ZNF595: variants seen among roughly 807,000 people sequenced by gnomAD.
ZNF595 encodes the protein zinc finger protein 595.
In ZNF595, 9 loss-of-function variants were observed where a neutral mutation model predicts 19.4. The observed-to-expected ratio is 0.46, with a 90% CI of 0.28 to 0.81. The LOEUF is 0.81. ZNF595 is among the 30% of genes least tolerant of loss of function. ZNF595 has a pLI of 0.11. For missense variants in ZNF595, 729 were observed against 736.0 expected, an observed-to-expected ratio of 0.99 and a Z score of 0.11; for synonymous variants, 255 against 255.9, an observed-to-expected ratio of 1.00 and a Z score of 0.03.
At chr4:73,352 G>A (rs1336236715) in intron 3 of ZNF595, among the ~76,000 whole-genome samples, 2 of 152,158 alleles carry the variant, frequency 1.3e-5, no homozygotes, top group Non-Finnish European at 2.9e-5. Flanking sequence ...GACATGAAGA[G>A]GGGTTGTATG....
chr4:58,980 C>CT (rs1212706124), intron 1 of ZNF595, among the ~76,000 whole-genome samples: 1 of 64,696 alleles, frequency 1.5e-5, no homozygotes, highest in East Asian at 3.1e-4. Context: ...CACATTGAAG[C>CT]TTGAGAGGCA....
chr4:77,539 T>A (rs539644758), intron 3 of ZNF595, among the ~76,000 whole-genome samples: 1 of 152,296 alleles, frequency 6.6e-6, no homozygotes, highest in South Asian at 2.1e-4. Context: ...CTTTCAGTCA[T>A]TACAGACTAG....
In ZNF595 at chr4:86,234, A is replaced by C; in HGVS notation, c.730A>C (p.Asn244His). 6.2e-7 allele frequency: 1 copy of C among 1,611,986 alleles called. No individual in the cohort carries two copies. Among genetic ancestry groups the C allele is most frequent in the East Asian group, 2.2e-5 (1 of 44,848 alleles). The part of the protein sequence containing the change: ...GKAFRRSTVL[N>H]EHKKIHTGEK... ...AGCCTTTAGACGGTCCACAGTTCTG[A>C]ACGAACATAAGAAAATTCATACTGG... The change falls in exon 4 of 4, where the codon AAC (asparagine) becomes CAC (histidine). Residue 244 changes from asparagine (N) to histidine (H), a missense_variant. This residue lies in a region of ZNF595 where 729 missense variants were observed against 675.3 expected (regional missense o/e 1.08). Coordinates refer to ENST00000610261, the MANE Select transcript of ZNF595 (RefSeq NM_182524.4).
rs781809328 is a variant in ZNF595, at chr4:87,144, G to A, written c.1640G>A (p.Arg547Gln). The A allele has an allele frequency of 6.8e-6, 11 of 1,613,684 alleles. No homozygotes were observed. The highest frequency in any genetic ancestry group is 1.3e-5 in the African/African-American group (1 of 74,800). Reference sequence around the variant, plus strand: ...GAAGAATGTGGCAAAGCCTTTACTCGGTCCACAGCCCTGAATGAACATAAG... The same window carrying A: ...GAAGAATGTGGCAAAGCCTTTACTCAGTCCACAGCCCTGAATGAACATAAG... The part of the protein sequence containing the change: ...KCEECGKAFT[R>Q]STALNEHKKI... Residue 547 changes from arginine to glutamine, a missense_variant, in exon 4 of 4, where the codon CGG becomes CAG. Physicochemically the swap from Arg to Gln is conservative, Grantham distance 43. This residue lies in a region of ZNF595 where 729 missense variants were observed against 675.3 expected (regional missense o/e 1.08). Transcript: ENST00000610261.
chr4:76,310 G>A (rs566462375), intron 3 of ZNF595, among the ~76,000 whole-genome samples: 3 of 152,192 alleles, frequency 2.0e-5, no homozygotes, highest in East Asian at 3.9e-4. Context: ...TCAAGCAAAA[G>A]TTAACTTATG....
intron 3 of ZNF595, among the ~76,000 whole-genome samples, chr4:61,585 T>TCC (rs1399907742): frequency 1.3e-5 from 2 of 151,894 alleles, no homozygotes; most frequent in African/African-American, 4.9e-5. Flanking sequence ...TGGGATTCTG[T>TCC]CATTGAGCTA....
At position 87,195 on chromosome 4, in the gene ZNF595, A is replaced by G. The variant is rs782270196; in HGVS notation, c.1691A>G (p.Tyr564Cys). 14 of 1,596,692 alleles carry G rather than the reference A, an allele frequency of 8.8e-6. No homozygotes were observed. Among genetic ancestry groups the G allele is most frequent in the African/African-American group, 2.7e-5 (2 of 74,744 alleles). Residue 564 changes from tyrosine to cysteine, a missense_variant, in exon 4 of 4, where the codon TAC becomes TGC. This residue lies in a region of ZNF595 where 729 missense variants were observed against 675.3 expected (regional missense o/e 1.08). Coordinates refer to ENST00000610261, the MANE Select transcript of ZNF595 (RefSeq NM_182524.4). ...AAAATTCATTCTGGAGAGAAACCCT[A>G]CAAATGCAAAGAATGTGGCAAAGCC... Reference protein sequence around the residue: ...HKKIHSGEKPYKCKECGKAYN... With the variant: ...HKKIHSGEKPCKCKECGKAYN...
Position 87,518 on chromosome 4 carries a change from C to T in ZNF595, c.*67C>T, listed in dbSNP as rs1714282124. On this transcript the variant is annotated 3_prime_UTR_variant, in exon 4 of 4. Coordinates refer to ENST00000610261, the MANE Select transcript of ZNF595 (RefSeq NM_182524.4). ...GCAAATAAATTGGAGAATATTGCTC[C>T]CATATAAACTTGTATTATTTTTCTT... 7.5e-7 allele frequency: 1 copy of T among 1,333,710 alleles called. No individual in the cohort carries two copies. Among genetic ancestry groups the T allele is most frequent in the Admixed American group, 3.1e-5 (1 of 32,410 alleles). 82.6% of individuals were successfully genotyped at this position (1,333,710 alleles called of 1,614,324 possible).
At chr4:81,744 G>A (rs549849193) in intron 3 of ZNF595, among the ~76,000 whole-genome samples, 34 of 152,218 alleles carry the variant, frequency 2.2e-4, no homozygotes, top group Admixed American at 7.8e-4. Flanking sequence ...CTGTTTTAGA[G>A]TCAAACTGCT....
intron 3 of ZNF595, chr4:68,601 T>C (rs1402049873): frequency 6.6e-6 from 1 of 152,328 alleles, no homozygotes; most frequent in African/African-American, 2.4e-5. Flanking sequence ...TCATTTTAAA[T>C]TTATATTTTA....
chr4:79,143 C>A (rs1553799349), intron 3 of ZNF595, among the ~76,000 whole-genome samples: 1 of 152,106 alleles, frequency 6.6e-6, no homozygotes, highest in Non-Finnish European at 1.5e-5. Context: ...TGAAGAACAC[C>A]ATTTTACTTA....
intron 3 of ZNF595, among the ~76,000 whole-genome samples, chr4:77,390 C>G (rs1713717101): frequency 6.6e-6 from 1 of 151,764 alleles, no homozygotes; most frequent in South Asian, 2.1e-4. Context: ...GACTTCTTAG[C>G]CATTTTTTAG....
intron 3 of ZNF595, among the ~76,000 whole-genome samples, chr4:78,048 T>A (rs782271123): frequency 6.6e-6 from 1 of 152,124 alleles, no homozygotes; most frequent in Non-Finnish European, 1.5e-5. Context: ...TTGCTCTGTC[T>A]CCCAGGCTGG....
At chr4:82,771 A>G (rs1713971054) in intron 3 of ZNF595, among the ~76,000 whole-genome samples, 1 of 152,096 alleles carries the variant, frequency 6.6e-6, no homozygotes, top group Admixed American at 6.6e-5. Flanking sequence ...AAAATTTGTT[A>G]AGACTTTTTT....
intron 3 of ZNF595, among the ~76,000 whole-genome samples, chr4:85,239 C>T (rs1356521441): frequency 2.0e-5 from 3 of 152,194 alleles, no homozygotes; most frequent in African/African-American, 4.8e-5. Flanking sequence ...GAAACATTTA[C>T]GTTTGGTCTT....
chr4:70,793 C>T (rs545716773), intron 3 of ZNF595, among the ~76,000 whole-genome samples: 72 of 152,224 alleles, frequency 4.7e-4, no homozygotes, highest in African/African-American at 1.7e-3. Context: ...ATGATTCCTC[C>T]AGTTTCTTTT....
chr4:82,372 G>GTTTTT (rs34932652), intron 3 of ZNF595, among the ~76,000 whole-genome samples: 11 of 85,934 alleles, frequency 1.3e-4, no homozygotes, highest in African/African-American at 2.6e-4. Context: ...TTGGTTTGTG[G>GTTTTT]TTTTTTTTTT....
Position 85,806 on chromosome 4 carries a change from A to G in ZNF595, c.302A>G (p.Lys101Arg), listed in dbSNP as rs1560093928. ...GATTCATTCCACAAACTTATACTGA[A>G]AAGATACGAGAAATGTGGACATGAG... ...IEDSFHKLIL[K>R]RYEKCGHENL... The change falls in exon 4 of 4, where the codon AAA (lysine) becomes AGA (arginine). Residue 101 changes from lysine (K) to arginine (R), a missense_variant. This residue lies in a region of ZNF595 where 729 missense variants were observed against 675.3 expected (regional missense o/e 1.08). Transcript: ENST00000610261. 6.2e-7 allele frequency: 1 copy of G among 1,613,890 alleles called. No homozygotes were observed. Among genetic ancestry groups the G allele is most frequent in the South Asian group, 1.1e-5 (1 of 91,060 alleles).
In ZNF595 at chr4:84,754, G is replaced by A. The variant is rs566036079; in HGVS notation, c.227-977G>A. Among the ~76,000 whole-genome samples the A allele has an allele frequency of 4.6e-5, 7 of 151,994 alleles. No homozygotes were observed. In the South Asian group the frequency reaches 1.5e-3, roughly 32 times the overall value. On this transcript the variant is annotated intron_variant, in intron 3 of 3. Transcript: ENST00000610261. ...TGGAACTTTCTCACTCATTACTTTT[G>A]TATTTTTCACATCCACAATTTGTTT...
Sources: gnomAD v4.1 joint callset for allele counts (sites outside exome capture counted in the v4.1 genomes callset) on GRCh38, gnomAD v4.1.1 for gene constraint, gnomAD v4.1.1 regional missense constraint, MANE v1.5 for transcripts, NCBI Gene and HGNC (gene_info 2026-07-23, HGNC 2026-07-21) for gene names.